Variants in FCRL3 observed in about 807,000 individuals in gnomAD.
FCRL3 encodes the protein Fc receptor-like protein 3.
FCRL3 carries 89 observed loss-of-function variants against 75.0 expected under a neutral mutation model. The ratio of observed to expected loss-of-function variants is 1.19; its 90% CI spans 1.00 to 1.42. The LOEUF (loss-of-function observed/expected upper bound fraction) is 1.42, where lower values mean the gene tolerates loss of function less well. Among genes scored for constraint, FCRL3 ranks in the 40% most tolerant of loss-of-function variants. The probability of loss-of-function intolerance (pLI) is 0.00; values close to 1 mark genes in which losing one functional copy is unlikely to be tolerated. For missense variants in FCRL3, 946 were observed against 880.0 expected (o/e 1.07, Z -0.95); for synonymous variants, 376 against 348.5 (o/e 1.08, Z -0.88).
Position 157,678,470 on chromosome 1 carries a change from C to T in FCRL3, c.*240G>A. The T allele has an allele frequency of 7.3e-7, 1 of 1,368,458 alleles. No individual in the cohort carries two copies. Among genetic ancestry groups the T allele is most frequent in the Non-Finnish European group, 9.4e-7 (1 of 1,059,744 alleles). The allele number at this position is 1,368,458 out of a possible 1,614,324, so 84.8% of individuals were successfully genotyped here. A position where few individuals can be genotyped will look rare whatever the true frequency, so the allele number is the denominator to read the frequency against. ...CCCTAGGAGCTGAGGGCCCTCCTGC[C>T]TTGCCACGTGTCTCCACTGTGAAAA... On this transcript the variant is annotated 3_prime_UTR_variant, in exon 15 of 15. Coordinates refer to ENST00000368184, the MANE Select transcript of FCRL3 (RefSeq NM_052939.4).
chr1:157,689,464 T>C (rs1242825975), intron 10 of FCRL3, among the ~76,000 whole-genome samples: 4 of 152,236 alleles, frequency 2.6e-5, no homozygotes, highest in African/African-American at 7.2e-5. Context: ...TCGGAGTTTA[T>C]GGTCACCTCT....
At chr1:157,699,957 TTC>T (rs1656209464) in intron 2 of FCRL3, among the ~76,000 whole-genome samples, 1 of 152,208 alleles carries the variant, frequency 6.6e-6, no homozygotes, top group Admixed American at 6.5e-5. Flanking sequence ...TCTCCTTCTC[TTC>T]TCTGAGTGCA....
At chr1:157,695,992 A>T in intron 7 of FCRL3, 48 bp downstream of exon 7, 1 of 1,521,220 alleles carries the variant, frequency 6.6e-7, no homozygotes, top group South Asian at 1.2e-5. Context: ...CAGAGAACCT[A>T]AACCCTGGCT....
rs758631183 is a variant in FCRL3, at chr1:157,689,888, C to A, written c.1720G>T (p.Ala574Ser). 2 of 1,614,034 alleles carry A rather than the reference C, an allele frequency of 1.2e-6. No individual in the cohort carries two copies. The highest frequency in any genetic ancestry group is 2.2e-5 in the East Asian group (1 of 44,890). Residue 574 changes from alanine to serine, a missense_variant, in exon 10 of 15, where the codon GCT becomes TCT. By Grantham distance (99) the Ala-to-Ser change is moderately conservative. Coordinates refer to ENST00000368184, the MANE Select transcript of FCRL3 (RefSeq NM_052939.4). ...GTSRNRTGLT[A>S]AGITGLVLSI... ...AGCACCAGCCCCGTGATTCCCGCAG[C>A]GGTAAGGCCTGTTCTGTTCCTGGAA...
intron 11 of FCRL3, among the ~76,000 whole-genome samples, chr1:157,682,722 C>T (rs1454256805): frequency 6.6e-6 from 1 of 152,116 alleles, no homozygotes; most frequent in Non-Finnish European, 1.5e-5. Context: ...TTAAAAGGTC[C>T]CTTTCAGTTT....
rs758707560 is a variant in FCRL3, at chr1:157,697,324, T to C, written c.660A>G (p.Pro220=). 51 of 1,612,352 alleles carry C rather than the reference T, an allele frequency of 3.2e-5. No homozygotes were observed. Among genetic ancestry groups the C allele is most frequent in the Non-Finnish European group, 4.2e-5 (49 of 1,179,108 alleles). The change falls in exon 6 of 15, where the codon CCA becomes CCG. Residue 220 remains proline, a synonymous_variant. Transcript: ENST00000368184. ...AGAGGGAGAATTGCAGCTGGACATCTGGCCTCTGTGGAGAGAGCTGGGTCT... is the reference window on the plus strand; with the variant it reads ...AGAGGGAGAATTGCAGCTGGACATCCGGCCTCTGTGGAGAGAGCTGGGTCT... ...TCETQLSPQR[P]DVQLQFSLFR...
At position 157,695,566 on chromosome 1, in the gene FCRL3, C is replaced by G; in HGVS notation, c.1174G>C (p.Ala392Pro). 8.7e-6 allele frequency: 14 copies of G among 1,613,586 alleles called. No individual in the cohort carries two copies. The highest frequency in any genetic ancestry group is 1.1e-5 in the Non-Finnish European group (13 of 1,179,686). Residue 392 changes from alanine to proline, a missense_variant, in exon 8 of 15, where the codon GCC (alanine) becomes CCC (proline). By Grantham distance (27) the Ala-to-Pro change is conservative (BLOSUM62 -1). Coordinates refer to ENST00000368184, the MANE Select transcript of FCRL3 (RefSeq NM_052939.4). ...HPVLTFRAPR[A>P]HTVVGDLLEL... ...AGCAGGTCCCCCACCACAGTGTGGG[C>G]CCTGGGAGCCCTGAAGGTGAGGACA...
chr1:157,679,043 C>T, intron 13 of FCRL3, 70 bp from the exon 14 acceptor site: 1 of 1,513,992 alleles, frequency 6.6e-7, no homozygotes, highest in East Asian at 2.3e-5. Flanking sequence ...AACGTACGCA[C>T]ACTGCATTCC....
intron 6 of FCRL3, 168 bp downstream of exon 6, chr1:157,696,972 G>T: frequency 1.9e-6 from 1 of 523,586 alleles, no homozygotes; most frequent in Non-Finnish European, 3.0e-6. Flanking sequence ...TCAAGTGGAA[G>T]AAAATGTTCT....
Position 157,680,976 on chromosome 1 carries a change from C to T in FCRL3, c.1957+5G>A. ...AGAGCCTTCTGCCCCCTAGGGAGTCCTCACCATTGCTGTACATTGGCTCCA... is the reference window on the plus strand; with the variant it reads ...AGAGCCTTCTGCCCCCTAGGGAGTCTTCACCATTGCTGTACATTGGCTCCA... On this transcript the variant is annotated splice_donor_5th_base_variant and intron_variant, in intron 12 of 14. Coordinates refer to ENST00000368184, the MANE Select transcript of FCRL3 (RefSeq NM_052939.4). The T allele has an allele frequency of 6.4e-7, 1 of 1,573,052 alleles. No homozygotes were observed. The highest frequency in any genetic ancestry group is 8.6e-7 in the Non-Finnish European group (1 of 1,164,002).
At chr1:157,679,579 C>T (rs1654689156) in intron 13 of FCRL3, among the ~76,000 whole-genome samples, 1 of 151,956 alleles carries the variant, frequency 6.6e-6, no homozygotes, top group African/African-American at 2.4e-5. Context: ...AGCCAATAAG[C>T]AATGCCTTCT....
chr1:157,683,186 A>G (rs1358545871), intron 11 of FCRL3, 31 bp downstream of exon 11: 2 of 1,605,098 alleles, frequency 1.2e-6, no homozygotes, highest in Admixed American at 3.5e-5. Context: ...AATCATGAAA[A>G]TGTTGGCAGC....
Position 157,681,640 on chromosome 1 carries a change from T to C in FCRL3, c.1839-541A>G, listed in dbSNP as rs866843959. Among the ~76,000 whole-genome samples, 19 of 152,190 alleles carry C rather than the reference T, an allele frequency of 1.2e-4. No homozygotes were observed. In the South Asian group the frequency reaches 2.5e-3, roughly 20 times the overall value. On this transcript the variant is annotated intron_variant, in intron 11 of 14. Transcript: ENST00000368184. ...GCCACATTTTCTTAATCCAGTCTAT[T>C]GTTGTTGGACATTTGGGTTGGTTCC...
intron 10 of FCRL3, 122 bp from the exon 11 acceptor site, chr1:157,683,366 G>A (rs1047548143): frequency 8.1e-7 from 1 of 1,233,420 alleles, no homozygotes; most frequent in African/African-American, 1.5e-5. Context: ...AAAACTCAAG[G>A]ATTATCCAGC....
At chr1:157,700,312 G>T in intron 2 of FCRL3, 147 bp downstream of exon 2, 1 of 1,214,846 alleles carries the variant, frequency 8.2e-7, no homozygotes, top group African/African-American at 1.5e-5. Flanking sequence ...CCTCTTGGTT[G>T]TCCAGGGAAC....
intron 8 of FCRL3, among the ~76,000 whole-genome samples, chr1:157,692,414 A>G (rs917813386): frequency 1.3e-5 from 2 of 151,764 alleles, no homozygotes; most frequent in Admixed American, 6.6e-5. Flanking sequence ...ATTCTTTTGT[A>G]TTTTTAGTAA....
intron 3 of FCRL3, 152 bp downstream of exon 3, chr1:157,699,540 G>A: frequency 1.5e-6 from 1 of 653,528 alleles, no homozygotes; most frequent in Non-Finnish European, 2.5e-6. Context: ...AAAAGTCGGA[G>A]GAGGCTCTGT....
Position 157,695,445 on chromosome 1 carries a change from C to A in FCRL3, c.1295G>T (p.Gly432Val), listed in dbSNP as rs911078938. The A allele has an allele frequency of 6.2e-7, 1 of 1,614,084 alleles. No homozygotes were observed. Among genetic ancestry groups the A allele is most frequent in the Non-Finnish European group, 8.5e-7 (1 of 1,180,044 alleles). Residue 432 changes from glycine to valine, a missense_variant, in exon 8 of 15, where the codon GGA becomes GTA. Physicochemically the swap from Gly to Val is moderately radical, Grantham distance 109. Coordinates refer to ENST00000368184, the MANE Select transcript of FCRL3 (RefSeq NM_052939.4). ...VTLGNSSAPS[G>V]GGASFNLSLT... is the part of the protein sequence containing the mutation. The stretch of plus-strand genomic sequence containing the variant: ...AGAGAGGTTGAAGGAGGCTCCTCCT[C>A]CAGAGGGGGCTGAGCTGTTCCCCAG...
At chr1:157,681,576 C>T (rs1654852673) in intron 11 of FCRL3, among the ~76,000 whole-genome samples, 1 of 152,058 alleles carries the variant, frequency 6.6e-6, no homozygotes, top group Non-Finnish European at 1.5e-5. Flanking sequence ...ATGAACTCAT[C>T]ATTTTTTACA....
Sources: gnomAD v4.1 joint callset for allele counts (sites outside exome capture counted in the v4.1 genomes callset) on GRCh38, gnomAD v4.1.1 for gene constraint, MANE v1.5 for transcripts, NCBI Gene and HGNC (gene_info 2026-07-23, HGNC 2026-07-21) for gene names.